The following DLG2 variants were observed in gnomAD, a reference collection of about 807,000 sequenced individuals.
DLG2 encodes discs large MAGUK scaffold protein 2.
In DLG2, 45 loss-of-function variants were observed where a neutral mutation model predicts 132.5. The ratio of observed to expected loss-of-function variants is 0.34; its 90% CI spans 0.27 to 0.44. The LOEUF (loss-of-function observed/expected upper bound fraction) is 0.44. Among genes scored for constraint, DLG2 ranks in the 20% least tolerant of loss-of-function variants. The pLI, the probability that DLG2 is intolerant of heterozygous loss-of-function variation, is 1.00. For missense variants in DLG2, 1,045 were observed against 1,196.9 expected (o/e 0.87, Z 1.87); for synonymous variants, 424 against 419.6 (o/e 1.01, Z -0.13).
chr11:84,336,471 TA>T, intron 7 of DLG2, among the ~76,000 whole-genome samples: 1 of 152,330 alleles, frequency 6.6e-6, no homozygotes, highest in African/African-American at 2.4e-5. Context: ...TATTGACTCA[TA>T]AAGTATTCCT....
intron 18 of DLG2, among the ~76,000 whole-genome samples, chr11:83,704,328 TG>T (rs2083488229): frequency 6.6e-6 from 1 of 152,190 alleles, no homozygotes; most frequent in Admixed American, 6.5e-5. Context: ...ACCTCCCTTA[TG>T]TATTTCATAA....
At chr11:84,089,552 T>C (rs1171425766) in intron 10 of DLG2, among the ~76,000 whole-genome samples, 1 of 152,218 alleles carries the variant, frequency 6.6e-6, no homozygotes, top group Non-Finnish European at 1.5e-5. Context: ...AACTGCATTC[T>C]TGAAACATTC....
chr11:83,766,496 CTTCTTATAAA>C (rs1038726999), intron 18 of DLG2, among the ~76,000 whole-genome samples: 1 of 151,010 alleles, frequency 6.6e-6, no homozygotes, highest in African/African-American at 2.4e-5. Context: ...TGTGTTCCTC[CTTCTTATAAA>C]TTTGAAAAAT....
At chr11:83,553,927 G>A (rs79357508) in intron 19 of DLG2, among the ~76,000 whole-genome samples, 3,606 of 138,464 alleles carry the variant, frequency 0.026, 165 homozygotes, top group African/African-American at 0.092. Context: ...GGATAGTCTC[G>A]CTCAGTCACC....
intron 18 of DLG2, among the ~76,000 whole-genome samples, chr11:83,776,734 C>G (rs982646144): frequency 6.6e-5 from 10 of 152,192 alleles, no homozygotes; most frequent in African/African-American, 2.4e-4. Context: ...TTCAGATACA[C>G]TTCAGATATC....
chr11:83,725,328 T>C (rs986915863), intron 18 of DLG2: 1 of 172,722 alleles, frequency 5.8e-6, no homozygotes, highest in South Asian at 1.6e-4. Context: ...AAATTCCAAC[T>C]CTGAAGTGGT....
chr11:84,203,509 G>T (rs570273320), intron 8 of DLG2, among the ~76,000 whole-genome samples: 2 of 150,452 alleles, frequency 1.3e-5, no homozygotes, highest in Non-Finnish European at 2.9e-5. Flanking sequence ...GTGAACCCGG[G>T]AGGCGGAGCT....
intron 6 of DLG2, among the ~76,000 whole-genome samples, chr11:84,727,528 G>C (rs997937614): frequency 1.3e-5 from 2 of 152,128 alleles, no homozygotes; most frequent in African/African-American, 4.8e-5. Context: ...AAGATAGCAT[G>C]ATGCCTCCAG....
At chr11:85,463,484 C>G (rs184384985) in intron 3 of DLG2, among the ~76,000 whole-genome samples, 22 of 152,244 alleles carry the variant, frequency 1.4e-4, no homozygotes, top group African/African-American at 5.3e-4. Context: ...GAATGAATTA[C>G]CAAAAAAACT....
At chr11:85,375,963 T>A (rs1490900422) in intron 3 of DLG2, among the ~76,000 whole-genome samples, 1 of 152,116 alleles carries the variant, frequency 6.6e-6, no homozygotes, top group Non-Finnish European at 1.5e-5. Flanking sequence ...ATAAGTCCAA[T>A]GAGAAAGAAA....
At chr11:85,212,648 G>T (rs1012103260) in intron 4 of DLG2, among the ~76,000 whole-genome samples, 6 of 152,090 alleles carry the variant, frequency 3.9e-5, no homozygotes, top group Non-Finnish European at 8.8e-5. Flanking sequence ...TTCTGCATCT[G>T]CTATCAAAAA....
chr11:84,738,477 T>C (rs1358743529), intron 6 of DLG2, among the ~76,000 whole-genome samples: 1 of 152,182 alleles, frequency 6.6e-6, no homozygotes, highest in Non-Finnish European at 1.5e-5. Context: ...TTGATTTCAA[T>C]ATACTAGGTA....
intron 6 of DLG2, among the ~76,000 whole-genome samples, chr11:84,750,502 A>G (rs1194691807): frequency 6.6e-6 from 1 of 152,012 alleles, no homozygotes; most frequent in Non-Finnish European, 1.5e-5. Flanking sequence ...TGTTTAAAAC[A>G]TTTTCCAAAT....
At chr11:85,604,224 C>T (rs1253822748) in intron 2 of DLG2, among the ~76,000 whole-genome samples, 2 of 152,190 alleles carry the variant, frequency 1.3e-5, no homozygotes, top group African/African-American at 2.4e-5. Flanking sequence ...AATCAAGTCT[C>T]CAAGTTAGGC....
chr11:83,602,038 G>A (rs1409980835), intron 19 of DLG2, among the ~76,000 whole-genome samples: 4 of 152,184 alleles, frequency 2.6e-5, no homozygotes, highest in African/African-American at 9.7e-5. Flanking sequence ...TGAAGATTGA[G>A]CACTTTTGCA....
intron 6 of DLG2, among the ~76,000 whole-genome samples, chr11:84,651,946 C>T (rs61899027): frequency 0.24 from 35,922 of 151,656 alleles, 4,782 homozygotes; most frequent in African/African-American, 0.36. Context: ...TATTGGAAGG[C>T]GGAGGAGGTA....
chr11:84,504,358 AACT>A, intron 7 of DLG2, among the ~76,000 whole-genome samples: 2 of 152,294 alleles, frequency 1.3e-5, no homozygotes, highest in East Asian at 3.9e-4. Context: ...AATCCTACCT[AACT>A]ACTAAGTGTT....
chr11:84,746,261 A>AAAAG, intron 6 of DLG2, among the ~76,000 whole-genome samples: 1 of 152,086 alleles, frequency 6.6e-6, no homozygotes, highest in Non-Finnish European at 1.5e-5. Context: ...GAAAAAAAAA[A>AAAAG]AAAAGAAAAG....
chr11:83,897,808 T>C (rs1446844159), intron 15 of DLG2, among the ~76,000 whole-genome samples: 1 of 152,164 alleles, frequency 6.6e-6, no homozygotes, highest in Non-Finnish European at 1.5e-5. Context: ...AAAACTAAAA[T>C]AATAATGAGA....
Sources: gnomAD v4.1 joint callset for allele counts (sites outside exome capture counted in the v4.1 genomes callset) on GRCh38, gnomAD v4.1.1 for gene constraint, MANE v1.5 for transcripts, NCBI Gene and HGNC (gene_info 2026-07-23, HGNC 2026-07-21) for gene names.